Variants in TUSC3 observed in about 807,000 individuals in gnomAD.
TUSC3 encodes the protein dolichyl-diphosphooligosaccharide--protein glycosyltransferase subunit TUSC3.
A neutral mutation model predicts 44.8 loss-of-function variants in TUSC3; 45 were observed. That is an observed-to-expected ratio of 1.00 (90% CI 0.79 to 1.29). The LOEUF is 1.29. Ranked by LOEUF, TUSC3 falls within the 50% of genes most tolerant of loss-of-function variation. The pLI is 0.00. For synonymous variants in TUSC3, 212 were observed against 152.9 expected (o/e 1.39, Z -2.85); for missense variants, 519 against 437.9 (o/e 1.19, Z -1.65).
intron 6 of TUSC3, among the ~76,000 whole-genome samples, chr8:15,703,382 G>A (rs1809485218): frequency 2.0e-5 from 3 of 151,898 alleles, no homozygotes; most frequent in Admixed American, 2.0e-4. Flanking sequence ...CAAATTTAAT[G>A]TACTTTGGGT....
At chr8:15,763,481 C>A (rs1406847954) in intron 10 of TUSC3, among the ~76,000 whole-genome samples, 1 of 151,378 alleles carries the variant, frequency 6.6e-6, no homozygotes, top group Non-Finnish European at 1.5e-5. Context: ...TGGTTTGTCT[C>A]TGGTTGCCTT....
In TUSC3 at chr8:15,460,803, G is replaced by T. The variant is rs536477447; in HGVS notation, n.92-22583G>T. ...AAAAGGGTGTCGTTTCCCCCACTTTGTTTTTGTTTGCTTTGTCAAAGATCA... is the reference window on the plus strand; with the variant it reads ...AAAAGGGTGTCGTTTCCCCCACTTTTTTTTTGTTTGCTTTGTCAAAGATCA... On this transcript the variant is annotated intron_variant and non_coding_transcript_variant, in intron 1 of 5. Transcript: ENST00000503191. Among the ~76,000 whole-genome samples, 669 of 152,106 alleles carry T rather than the reference G, an allele frequency of 4.4e-3. 1 individual carries two copies. Among genetic ancestry groups the T allele is most frequent in the Non-Finnish European group, 7.2e-3 (489 of 67,936 alleles).
chr8:15,458,430 G>C (rs1800291713), intron 1 of TUSC3, among the ~76,000 whole-genome samples: 1 of 152,064 alleles, frequency 6.6e-6, no homozygotes, highest in East Asian at 1.9e-4. Flanking sequence ...GTAGAGATGA[G>C]GTTTCACCAT....
intron 1 of TUSC3, among the ~76,000 whole-genome samples, chr8:15,425,497 A>T (rs1191647041): frequency 6.6e-6 from 1 of 152,232 alleles, no homozygotes; most frequent in East Asian, 1.9e-4. Flanking sequence ...AAGATGCAGA[A>T]GGCAAGAGAG....
At chr8:15,517,221 T>C (rs984369240) in intron 2 of TUSC3, among the ~76,000 whole-genome samples, 1 of 152,130 alleles carries the variant, frequency 6.6e-6, no homozygotes, top group Non-Finnish European at 1.5e-5. Context: ...AAAAATGTTA[T>C]AGATGGAGAA....
downstream of TUSC3, among the ~76,000 whole-genome samples, chr8:15,769,551 A>G (rs1219878645): frequency 6.6e-6 from 1 of 152,218 alleles, no homozygotes; most frequent in Non-Finnish European, 1.5e-5. Context: ...ACCAAAATCA[A>G]TGGCAACAAA....
chr8:15,799,458 G>T, the TUSC3 span, among the ~76,000 whole-genome samples: 1 of 152,130 alleles, frequency 6.6e-6, no homozygotes, highest in African/African-American at 2.4e-5. Flanking sequence ...GTTTCTCAAG[G>T]AAGTTCCTCT....
chr8:15,703,402 G>A (rs1029749475), intron 6 of TUSC3, among the ~76,000 whole-genome samples: 5 of 152,218 alleles, frequency 3.3e-5, no homozygotes, highest in African/African-American at 4.8e-5. Flanking sequence ...TTGCAGTTGA[G>A]TTGGAGAATT....
At chr8:15,509,964 G>C (rs931961145) in intron 2 of TUSC3, among the ~76,000 whole-genome samples, 1 of 152,144 alleles carries the variant, frequency 6.6e-6, no homozygotes, top group African/African-American at 2.4e-5. Context: ...GGGGCCAAGA[G>C]TTTGAGAGCA....
chr8:15,500,123 A>C (rs931485465), intron 2 of TUSC3, among the ~76,000 whole-genome samples: 1 of 152,162 alleles, frequency 6.6e-6, no homozygotes, highest in African/African-American at 2.4e-5. Context: ...CATTGTTGCC[A>C]ACATTGACAA....
At chr8:15,631,127 T>A (rs889001864) in intron 2 of TUSC3, among the ~76,000 whole-genome samples, 7 of 152,210 alleles carry the variant, frequency 4.6e-5, no homozygotes, top group African/African-American at 1.7e-4. Flanking sequence ...TTTTACATGT[T>A]CTTTTTCTGG....
downstream of TUSC3, among the ~76,000 whole-genome samples, chr8:15,771,204 G>A (rs1812434461): frequency 6.6e-6 from 1 of 152,120 alleles, no homozygotes. Context: ...AAAAGAGTCT[G>A]TTCTACATAG....
chr8:15,771,060 A>G (rs1478028217), downstream of TUSC3, among the ~76,000 whole-genome samples: 4 of 152,320 alleles, frequency 2.6e-5, no homozygotes, highest in South Asian at 4.1e-4. Context: ...AGTAAGATTA[A>G]TAGCCAGTTG....
chr8:15,701,362 G>C (rs1809396973), intron 6 of TUSC3, among the ~76,000 whole-genome samples: 1 of 152,062 alleles, frequency 6.6e-6, no homozygotes, highest in Non-Finnish European at 1.5e-5. Flanking sequence ...GTATGTGTCT[G>C]GATAGTTTTA....
chr8:15,779,089 G>A, the TUSC3 span, among the ~76,000 whole-genome samples: 6 of 138,902 alleles, frequency 4.3e-5, no homozygotes, highest in Non-Finnish European at 6.0e-5. Flanking sequence ...GGCCACCCTC[G>A]AATGTTTTCT....
chr8:15,463,412 G>T (rs1800373302), intron 1 of TUSC3, among the ~76,000 whole-genome samples: 1 of 151,936 alleles, frequency 6.6e-6, no homozygotes, highest in Admixed American at 6.6e-5. Context: ...ATTATGTTGT[G>T]GTCAAAATTA....
chr8:15,807,999 CCT>C, the TUSC3 span, among the ~76,000 whole-genome samples: 126,572 of 151,952 alleles, frequency 0.83, 52,922 homozygotes, highest in Non-Finnish European at 0.87. Flanking sequence ...TGTATATGTA[CCT>C]CTATTGAATC....
intron 1 of TUSC3, among the ~76,000 whole-genome samples, chr8:15,469,262 T>C (rs1202444504): frequency 6.6e-6 from 1 of 152,132 alleles, no homozygotes; most frequent in African/African-American, 2.4e-5. Flanking sequence ...AAAAGACACA[T>C]CTGATAAAGG....
chr8:15,728,148 T>C (rs1036901642), intron 6 of TUSC3, among the ~76,000 whole-genome samples: 2 of 152,180 alleles, frequency 1.3e-5, no homozygotes, highest in Admixed American at 1.3e-4. Context: ...ATGCATTACA[T>C]GATATGATGT....
Sources: allele counts gnomAD v4.1 joint callset (sites outside exome capture counted in the v4.1 genomes callset), GRCh38; gene constraint gnomAD v4.1.1; transcripts MANE v1.5; gene names NCBI Gene and HGNC (gene_info 2026-07-23, HGNC 2026-07-21).